PDE4D: variants seen among roughly 807,000 people sequenced by gnomAD.
The protein encoded by PDE4D is phosphodiesterase 4D, also known as 3',5'-cyclic-AMP phosphodiesterase 4D.
A neutral mutation model predicts 87.4 loss-of-function variants in PDE4D; 24 were observed. That is an observed-to-expected ratio of 0.27 (90% CI 0.20 to 0.39). The LOEUF is 0.39. Ranked by LOEUF, PDE4D falls within the 10% of genes least tolerant of loss-of-function variation. The pLI is 1.00. For missense variants in PDE4D, 714 were observed against 1,041.0 expected, an observed-to-expected ratio of 0.69 and a Z score of 4.32; for synonymous variants, 384 against 383.2, an observed-to-expected ratio of 1.00 and a Z score of -0.02.
chr5:59,423,714 T>C (rs1562159964), intron 1 of PDE4D, among the ~76,000 whole-genome samples: 1 of 152,072 alleles, frequency 6.6e-6, no homozygotes, highest in African/African-American at 2.4e-5. Flanking sequence ...TAGCTAGTAG[T>C]TATTTATACC....
chr5:60,065,593 C>T (rs941394265), intron 2 of PDE4D, among the ~76,000 whole-genome samples: 9 of 152,036 alleles, frequency 5.9e-5, no homozygotes, highest in Non-Finnish European at 1.0e-4. Flanking sequence ...CCCGCTCCCC[C>T]GACCCCACAA....
At chr5:60,267,177 AT>A (rs1221394955) in intron 1 of PDE4D, among the ~76,000 whole-genome samples, 1 of 152,192 alleles carries the variant, frequency 6.6e-6, no homozygotes, top group African/African-American at 2.4e-5. Flanking sequence ...GGAGGAAAGG[AT>A]TGGAAAATAT....
At chr5:59,685,472 A>G (rs773741895) in intron 1 of PDE4D, among the ~76,000 whole-genome samples, 6 of 152,176 alleles carry the variant, frequency 3.9e-5, no homozygotes, top group Non-Finnish European at 8.8e-5. Context: ...ATTTGATACA[A>G]AATTATTTCT....
intron 11 of PDE4D, among the ~76,000 whole-genome samples, chr5:58,979,833 A>G (rs1201291478): frequency 6.6e-6 from 1 of 152,114 alleles, no homozygotes; most frequent in Non-Finnish European, 1.5e-5. Flanking sequence ...TATCTCTACA[A>G]ATCTTTTAAT....
At chr5:59,187,968 T>G (rs937107495) in intron 3 of PDE4D, among the ~76,000 whole-genome samples, 8 of 152,164 alleles carry the variant, frequency 5.3e-5, no homozygotes, top group Non-Finnish European at 1.0e-4. Flanking sequence ...ATCACTGTGT[T>G]AGTCTTTTAA....
At chr5:59,715,765 A>G (rs148343764) in intron 1 of PDE4D, among the ~76,000 whole-genome samples, 3 of 152,340 alleles carry the variant, frequency 2.0e-5, no homozygotes, top group East Asian at 1.9e-4. Context: ...GCATGCCCCA[A>G]TGCCCCTAAA....
At chr5:60,336,447 T>C (rs1228318248) in intron 1 of PDE4D, among the ~76,000 whole-genome samples, 1 of 152,206 alleles carries the variant, frequency 6.6e-6, no homozygotes, top group Non-Finnish European at 1.5e-5. Flanking sequence ...AGTGTGTGCT[T>C]CCACCTTTTC....
At chr5:59,509,278 T>C (rs992425759) in intron 1 of PDE4D, among the ~76,000 whole-genome samples, 1 of 151,878 alleles carries the variant, frequency 6.6e-6, no homozygotes, top group South Asian at 2.1e-4. Flanking sequence ...AACCCAGTAA[T>C]GCATACACAA....
chr5:59,648,846 G>A (rs991487619), intron 1 of PDE4D, among the ~76,000 whole-genome samples: 16 of 152,144 alleles, frequency 1.1e-4, no homozygotes, highest in African/African-American at 3.1e-4. Context: ...ACCAAAGGGA[G>A]GAAGTGGCAG....
intron 1 of PDE4D, among the ~76,000 whole-genome samples, chr5:59,270,520 T>C (rs1181974165): frequency 6.6e-6 from 1 of 152,214 alleles, no homozygotes; most frequent in Non-Finnish European, 1.5e-5. Context: ...CCTTTTGTTC[T>C]TTATTGTCTG....
intron 3 of PDE4D, among the ~76,000 whole-genome samples, chr5:59,951,144 T>C (rs932242866): frequency 1.3e-5 from 2 of 152,146 alleles, no homozygotes; most frequent in African/African-American, 4.8e-5. Flanking sequence ...TTGTGATAGA[T>C]ATTGATAGTA....
chr5:60,244,405 T>C (rs903594772), intron 1 of PDE4D, among the ~76,000 whole-genome samples: 1 of 151,922 alleles, frequency 6.6e-6, no homozygotes, highest in African/African-American at 2.4e-5. Context: ...ATGCACTCCC[T>C]ATCAAAATAC....
At chr5:60,371,678 AC>A (rs1025688802) in intron 1 of PDE4D, among the ~76,000 whole-genome samples, 1 of 152,144 alleles carries the variant, frequency 6.6e-6, no homozygotes, top group Non-Finnish European at 1.5e-5. Flanking sequence ...TATCTCAGGC[AC>A]CTTCTCCCCT....
At chr5:59,262,441 C>CTT (rs1032074830) in intron 1 of PDE4D, among the ~76,000 whole-genome samples, 1 of 151,044 alleles carries the variant, frequency 6.6e-6, no homozygotes, top group African/African-American at 2.4e-5. Context: ...TAATTTCCTT[C>CTT]TTTTTTTTTA....
intron 1 of PDE4D, among the ~76,000 whole-genome samples, chr5:59,563,681 A>ACAG (rs1820431216): frequency 6.6e-6 from 1 of 152,224 alleles, no homozygotes; most frequent in African/African-American, 2.4e-5. Context: ...CCTAGCTGAT[A>ACAG]CAGCAAGTAC....
chr5:59,734,023 T>A (rs1757742947), intron 1 of PDE4D, among the ~76,000 whole-genome samples: 1 of 152,050 alleles, frequency 6.6e-6, no homozygotes, highest in African/African-American at 2.4e-5. Context: ...AAACTTCTAT[T>A]TAATGAAATA....
intron 1 of PDE4D, among the ~76,000 whole-genome samples, chr5:59,473,861 C>T (rs1416235300): frequency 6.6e-6 from 1 of 152,130 alleles, no homozygotes. Context: ...CTTTTCATCA[C>T]TCAACATATC....
rs34503506 is a variant in PDE4D at position 60,118,561 on chromosome 5, T to TTGTGTGTGTGTG, written c.42+66984_42+66995dup. Among the ~76,000 whole-genome samples, 721 of 144,294 alleles carry TTGTGTGTGTGTG rather than the reference T, an allele frequency of 5.0e-3. 6 individuals are homozygous for TTGTGTGTGTGTG. The highest frequency in any genetic ancestry group is 0.015 in the African/African-American group (594 of 39,132). 94.7% of individuals were successfully genotyped at this position (144,294 alleles called of 152,430 possible). ...TCCTGTTTTTCAGGATGGATGTAGG[T>TTGTGTGTGTGTG]TGTGTGTGTGTGTGTGTGTGTGTGT... On this transcript the variant is annotated intron_variant, in intron 2 of 16. Transcript: ENST00000502484.
At chr5:59,640,130 T>C (rs1401122344) in intron 1 of PDE4D, among the ~76,000 whole-genome samples, 18 of 152,138 alleles carry the variant, frequency 1.2e-4, no homozygotes, top group Non-Finnish European at 1.5e-5. Context: ...ATTTGCAGTG[T>C]CTATTGTTTT....
Sources: gnomAD v4.1 joint callset for allele counts (sites outside exome capture counted in the v4.1 genomes callset) on GRCh38, gnomAD v4.1.1 for gene constraint, MANE v1.5 for transcripts, NCBI Gene and HGNC (gene_info 2026-07-23, HGNC 2026-07-21) for gene names.